Variants in CFAP299 observed in about 807,000 individuals in gnomAD.
CFAP299 encodes the protein cilia- and flagella-associated protein 299.
In CFAP299, 21 loss-of-function variants were observed where a neutral mutation model predicts 27.0. That is an observed-to-expected ratio of 0.78 (90% CI 0.55 to 1.12). The LOEUF (loss-of-function observed/expected upper bound fraction) is 1.12. CFAP299 is among the 50% of genes most tolerant of loss of function. CFAP299 has a pLI of 0.00. For synonymous variants in CFAP299, 104 were observed against 98.1 expected (o/e 1.06, Z -0.36); for missense variants, 310 against 276.6 (o/e 1.12, Z -0.86).
At chr4:80,882,428 G>A (rs1733749135) in intron 4 of CFAP299, among the ~76,000 whole-genome samples, 1 of 152,088 alleles carries the variant, frequency 6.6e-6, no homozygotes, top group Non-Finnish European at 1.5e-5. Context: ...TACGAGGTCA[G>A]GAGATCGAGA....
intron 3 of CFAP299, among the ~76,000 whole-genome samples, chr4:80,773,810 A>T (rs74512407): frequency 0.077 from 11,753 of 151,982 alleles, 528 homozygotes; most frequent in African/African-American, 0.1. Flanking sequence ...GTAATTTCTT[A>T]GGTCAAAAGT....
In CFAP299 at chr4:80,737,874, C is replaced by T. The variant is rs190953222; in HGVS notation, c.334-132119C>T. Among the ~76,000 whole-genome samples the T allele has an allele frequency of 1.5e-3, 229 of 152,192 alleles. 3 individuals are homozygous for T. The highest frequency in any genetic ancestry group is 2.7e-3 in the South Asian group (13 of 4,828). On this transcript the variant is annotated intron_variant, in intron 3 of 5. Transcript: ENST00000358105. Reference sequence around the variant, plus strand: ...AAAAGTAGACACTTATAGCTATAAACGATCCTCTTAGTACTGCTTTCACTG... The same window carrying T: ...AAAAGTAGACACTTATAGCTATAAATGATCCTCTTAGTACTGCTTTCACTG...
At chr4:80,541,269 ATTG>A (rs1733983466) in intron 2 of CFAP299, among the ~76,000 whole-genome samples, 1 of 152,176 alleles carries the variant, frequency 6.6e-6, no homozygotes, top group African/African-American at 2.4e-5. Flanking sequence ...CCATATAAAC[ATTG>A]TTAAGTTTAT....
intron 1 of CFAP299, among the ~76,000 whole-genome samples, chr4:80,340,228 A>G (rs1722376109): frequency 6.6e-6 from 1 of 152,206 alleles, no homozygotes; most frequent in South Asian, 2.1e-4. Context: ...ATTCCCAGCC[A>G]AAGGAAGCTG....
At chr4:80,408,007 C>A (rs1227891387) in intron 2 of CFAP299, among the ~76,000 whole-genome samples, 1 of 152,188 alleles carries the variant, frequency 6.6e-6, no homozygotes, top group Non-Finnish European at 1.5e-5. Flanking sequence ...ATCTGTATAA[C>A]ATTCTGTTGA....
chr4:80,538,289 C>T (rs1254750469), intron 2 of CFAP299, among the ~76,000 whole-genome samples: 1 of 151,556 alleles, frequency 6.6e-6, no homozygotes, highest in Non-Finnish European at 1.5e-5. Flanking sequence ...GTCTTTTAAG[C>T]TCAGTGTTAT....
intron 3 of CFAP299, among the ~76,000 whole-genome samples, chr4:80,674,700 T>A (rs1217946349): frequency 6.6e-6 from 1 of 152,212 alleles, no homozygotes; most frequent in Non-Finnish European, 1.5e-5. Flanking sequence ...GTCCCATATT[T>A]CTTGGAGTTT....
chr4:80,655,065 G>C (rs575317489), intron 3 of CFAP299, among the ~76,000 whole-genome samples: 1 of 152,022 alleles, frequency 6.6e-6, no homozygotes, highest in African/African-American at 2.4e-5. Flanking sequence ...ATTCTAGGGC[G>C]ATGCCAGTTA....
chr4:80,767,626 A>T (rs942872774), intron 3 of CFAP299, among the ~76,000 whole-genome samples: 5 of 152,150 alleles, frequency 3.3e-5, no homozygotes, highest in Non-Finnish European at 7.4e-5. Flanking sequence ...TTAAAAAAAT[A>T]AAAAAATAAA....
chr4:80,436,881 A>C (rs1384111964), intron 2 of CFAP299, among the ~76,000 whole-genome samples: 1 of 152,180 alleles, frequency 6.6e-6, no homozygotes, highest in Non-Finnish European at 1.5e-5. Context: ...GGGTCTCGTA[A>C]CAGTCAGCTA....
rs553764470 is a variant in CFAP299 at position 80,737,750 on chromosome 4, A to G, written c.334-132243A>G. On this transcript the variant is annotated intron_variant, in intron 3 of 5. Coordinates refer to ENST00000358105, the MANE Select transcript of CFAP299 (RefSeq NM_152770.3). ...TTTTTAAACAAACAAAAAAAGAAGA[A>G]AAAAATTAAAAAGAAGAAAAAAATA... 1.4e-4 allele frequency among the ~76,000 whole-genome samples: 21 copies of G among 152,198 alleles called. No homozygotes were observed. In the South Asian group the frequency reaches 4.3e-3, roughly 32 times the overall value.
At chr4:80,950,825 G>T (rs191607833) in intron 5 of CFAP299, among the ~76,000 whole-genome samples, 1 of 152,246 alleles carries the variant, frequency 6.6e-6, no homozygotes, top group East Asian at 1.9e-4. Context: ...TGATTCTAGT[G>T]GTTCACAAGG....
intron 4 of CFAP299, among the ~76,000 whole-genome samples, chr4:80,920,050 A>T (rs1735968670): frequency 6.6e-6 from 1 of 152,160 alleles, no homozygotes; most frequent in Non-Finnish European, 1.5e-5. Flanking sequence ...CCTGTATGGT[A>T]CATTCTTCCC....
At chr4:80,727,668 A>G (rs573989084) in intron 3 of CFAP299, among the ~76,000 whole-genome samples, 2 of 152,228 alleles carry the variant, frequency 1.3e-5, no homozygotes, top group East Asian at 3.9e-4. Flanking sequence ...ATTTACTTGT[A>G]AGAATTAAAT....
intron 3 of CFAP299, among the ~76,000 whole-genome samples, chr4:80,772,985 T>G (rs888595757): frequency 6.6e-6 from 1 of 151,958 alleles, no homozygotes; most frequent in Non-Finnish European, 1.5e-5. Context: ...ATAAGCTGGA[T>G]AAAGAAAATG....
At chr4:80,716,346 C>T (rs1024432454) in intron 3 of CFAP299, among the ~76,000 whole-genome samples, 1 of 151,018 alleles carries the variant, frequency 6.6e-6, no homozygotes, top group African/African-American at 2.4e-5. Flanking sequence ...TGCCTGATAG[C>T]AAGTGAATGT....
At chr4:80,711,091 A>T (rs1722140392) in intron 3 of CFAP299, among the ~76,000 whole-genome samples, 1 of 152,210 alleles carries the variant, frequency 6.6e-6, no homozygotes, top group Non-Finnish European at 1.5e-5. Context: ...TGCTGACACT[A>T]CACAGGCACA....
In CFAP299 at chr4:80,674,235, A is replaced by G. The variant is rs189688089; in HGVS notation, c.333+91052A>G. 1.0e-3 allele frequency among the ~76,000 whole-genome samples: 153 copies of G among 152,266 alleles called. No homozygotes were observed. In the Middle Eastern group the frequency reaches 0.037, roughly 37 times the overall value. ...AGGCCTGGTGGTGACAAAATCTCTCAGCATTTGCTTGTCTGTAAAGGATTT... is the reference window on the plus strand; with the variant it reads ...AGGCCTGGTGGTGACAAAATCTCTCGGCATTTGCTTGTCTGTAAAGGATTT... On this transcript the variant is annotated intron_variant, in intron 3 of 5. Transcript: ENST00000358105.
intron 2 of CFAP299, among the ~76,000 whole-genome samples, chr4:80,384,617 C>T (rs1023389856): frequency 2.6e-5 from 4 of 152,002 alleles, no homozygotes; most frequent in Non-Finnish European, 4.4e-5. Context: ...TTTTAATGAT[C>T]GAGTAGGACA....
Sources: allele counts gnomAD v4.1 joint callset (sites outside exome capture counted in the v4.1 genomes callset), GRCh38; gene constraint gnomAD v4.1.1; transcripts MANE v1.5; gene names NCBI Gene and HGNC (gene_info 2026-07-23, HGNC 2026-07-21).